Variants in TEAD1 observed in about 807,000 individuals in gnomAD.
TEAD1 encodes the protein TEA domain transcription factor 1.
TEAD1 carries 9 observed loss-of-function variants against 54.9 expected under a neutral mutation model. The observed-to-expected ratio is 0.16, with a 90% CI of 0.10 to 0.29. The LOEUF is 0.29. TEAD1 is among the 10% of genes least tolerant of loss of function. TEAD1 has a pLI of 1.00. For synonymous variants in TEAD1, 200 were observed against 187.8 expected, an observed-to-expected ratio of 1.07 and a Z score of -0.53; for missense variants, 387 against 535.9, an observed-to-expected ratio of 0.72 and a Z score of 2.74.
intron 5 of TEAD1, among the ~76,000 whole-genome samples, chr11:12,868,447 G>A (rs1767201766): frequency 1.3e-5 from 2 of 152,178 alleles, no homozygotes; most frequent in South Asian, 4.1e-4. Flanking sequence ...GTTCTGCCAT[G>A]TTCCTAGGAA....
At chr11:12,685,763 C>T (rs1223816596) in intron 2 of TEAD1, among the ~76,000 whole-genome samples, 3 of 151,998 alleles carry the variant, frequency 2.0e-5, no homozygotes, top group African/African-American at 7.2e-5. Flanking sequence ...TTAAACAATC[C>T]AGTAACTAAG....
Position 12,934,776 on chromosome 11 carries a change from G to A in TEAD1, c.1168-2333G>A, listed in dbSNP as rs1049564980. Among the ~76,000 whole-genome samples, 17 of 152,110 alleles carry A rather than the reference G, an allele frequency of 1.1e-4. 1 individual carries two copies. Among genetic ancestry groups the A allele is most frequent in the Admixed American group, 6.5e-4 (10 of 15,272 alleles). ...ATATTTTAATTCAGCTAAGCTGTGA[G>A]AGATGGTACTGCCTTCTGGGATACA... On this transcript the variant is annotated intron_variant, in intron 12 of 12. Coordinates refer to ENST00000527636, the MANE Select transcript of TEAD1 (RefSeq NM_021961.6).
rs559121533 is a variant in TEAD1 at position 12,772,830 on chromosome 11, C to T, written c.202+8396C>T. ...TTTTACTTGAACTCGTTTGTGTGTG[C>T]GTACTAAGTTGTGTACACTACTTGT... On this transcript the variant is annotated intron_variant, in intron 3 of 12. Coordinates refer to ENST00000527636, the MANE Select transcript of TEAD1 (RefSeq NM_021961.6). 7.2e-5 allele frequency among the ~76,000 whole-genome samples: 11 copies of T among 152,218 alleles called. No homozygotes were observed. The South Asian group carries it at 1.5e-3, about 20-fold the overall frequency.
At chr11:12,718,766 A>G (rs1944119076) in intron 2 of TEAD1, among the ~76,000 whole-genome samples, 2 of 152,196 alleles carry the variant, frequency 1.3e-5, no homozygotes, top group South Asian at 4.1e-4. Flanking sequence ...AGTTGTATTC[A>G]GATGGCTTTG....
intron 3 of TEAD1, among the ~76,000 whole-genome samples, chr11:12,853,762 CACAGTGT>C (rs1217564525): frequency 6.6e-6 from 1 of 152,160 alleles, no homozygotes; most frequent in Non-Finnish European, 1.5e-5. Context: ...TGCGGGAGAA[CACAGTGT>C]TCTATGGAGT....
chr11:12,802,701 C>T (rs192781297), intron 3 of TEAD1, among the ~76,000 whole-genome samples: 8 of 152,166 alleles, frequency 5.3e-5, no homozygotes, highest in African/African-American at 1.9e-4. Flanking sequence ...GGCATGTGGC[C>T]GACCCGACCG....
chr11:12,735,998 G>C (rs910758501), intron 2 of TEAD1, among the ~76,000 whole-genome samples: 1 of 152,124 alleles, frequency 6.6e-6, no homozygotes, highest in Admixed American at 6.5e-5. Flanking sequence ...TACATAATAG[G>C]CCATGTTTTA....
chr11:12,813,955 A>C (rs1236785811), intron 3 of TEAD1, among the ~76,000 whole-genome samples: 1 of 152,164 alleles, frequency 6.6e-6, no homozygotes, highest in East Asian at 1.9e-4. Flanking sequence ...GGTGCTGACC[A>C]CAAGTCCGAG....
Position 12,822,080 on chromosome 11 carries a change from C to T in TEAD1, c.203-40170C>T, listed in dbSNP as rs1003209254. On this transcript the variant is annotated intron_variant, in intron 3 of 12. Transcript: ENST00000527636. ...CCAGGTTCACACCATTCTCCTGCCT[C>T]AGCCTCCTGAGTAGCTGGGACTACA... Among the ~76,000 whole-genome samples, 4 of 150,178 alleles carry T rather than the reference C, an allele frequency of 2.7e-5. No homozygotes were observed. The East Asian group carries it at 6.0e-4, about 22-fold the overall frequency.
chr11:12,675,120 C>G (rs1186390908), intron 1 of TEAD1, among the ~76,000 whole-genome samples: 2 of 147,958 alleles, frequency 1.4e-5, no homozygotes, highest in Non-Finnish European at 3.0e-5. Context: ...GCGCCGCGCC[C>G]CCCGCGCGCC....
intron 2 of TEAD1, among the ~76,000 whole-genome samples, chr11:12,717,214 G>T (rs1237013616): frequency 1.3e-5 from 2 of 152,224 alleles, no homozygotes; most frequent in African/African-American, 2.4e-5. Flanking sequence ...TGGGGCAGTT[G>T]TATGCCTCTG....
At chr11:12,753,584 C>CT (rs539366539) in intron 2 of TEAD1, among the ~76,000 whole-genome samples, 16 of 152,072 alleles carry the variant, frequency 1.1e-4, no homozygotes, top group East Asian at 3.9e-4. Context: ...TAGCTTTTTA[C>CT]TTTTTTTTCT....
At chr11:12,707,161 A>G (rs1317549989) in intron 2 of TEAD1, among the ~76,000 whole-genome samples, 3 of 135,302 alleles carry the variant, frequency 2.2e-5, no homozygotes, top group African/African-American at 8.6e-5. Flanking sequence ...CCAGCAGAAG[A>G]CTTGTTTACT....
intron 2 of TEAD1, among the ~76,000 whole-genome samples, chr11:12,677,690 C>A (rs1161897949): frequency 1.3e-5 from 2 of 152,172 alleles, no homozygotes; most frequent in African/African-American, 4.8e-5. Flanking sequence ...CTTACATTTT[C>A]AGCAGAAAAG....
At chr11:12,707,223 C>T (rs1162429222) in intron 2 of TEAD1, among the ~76,000 whole-genome samples, 1 of 147,126 alleles carries the variant, frequency 6.8e-6, no homozygotes, top group Middle Eastern at 3.4e-3. Context: ...TATAGAGGAA[C>T]GCAGTTGATG....
At chr11:12,739,342 A>G (rs1347770859) in intron 2 of TEAD1, among the ~76,000 whole-genome samples, 2 of 152,212 alleles carry the variant, frequency 1.3e-5, no homozygotes, top group African/African-American at 4.8e-5. Context: ...GTTTAGTGGT[A>G]TTAAGTGCAT....
At chr11:12,905,471 C>G (rs1280010115) in intron 10 of TEAD1, among the ~76,000 whole-genome samples, 4 of 152,100 alleles carry the variant, frequency 2.6e-5, no homozygotes, top group African/African-American at 7.2e-5. Context: ...AATATTTAAC[C>G]TTTATAAAGA....
rs1589999825 is a variant in TEAD1, at chr11:12,930,317, A to C, written c.1158A>C (p.Thr386=). 6.2e-7 allele frequency: 1 copy of C among 1,614,192 alleles called. No individual in the cohort carries two copies. ...TGAACAGTGTTTTGGAAAACTTCAC[A>C]ATTTTATTGGTAATGGTTTTGTCTC... Residue 386 remains threonine, a synonymous_variant, in exon 12 of 13, where the codon ACA becomes ACC. Coordinates refer to ENST00000527636, the MANE Select transcript of TEAD1 (RefSeq NM_021961.6).
chr11:12,782,886 T>G (rs971114089), intron 3 of TEAD1, among the ~76,000 whole-genome samples: 2 of 152,138 alleles, frequency 1.3e-5, no homozygotes, highest in Non-Finnish European at 2.9e-5. Flanking sequence ...GTGCTGCTTT[T>G]GGAGAAGGTG....
Sources: gnomAD v4.1 joint callset for allele counts (sites outside exome capture counted in the v4.1 genomes callset) on GRCh38, gnomAD v4.1.1 for gene constraint, MANE v1.5 for transcripts, NCBI Gene and HGNC (gene_info 2026-07-23, HGNC 2026-07-21) for gene names.